Variants in MALRD1 observed in about 807,000 individuals in gnomAD.
MALRD1 encodes MAM and LDL-receptor class A domain-containing protein 1.
A neutral mutation model predicts 242.1 loss-of-function variants in MALRD1; 247 were observed. The observed-to-expected ratio is 1.02, with a 90% confidence interval of 0.92 to 1.13. MALRD1 has a LOEUF of 1.13. Ranked by LOEUF, MALRD1 falls within the 50% of genes most tolerant of loss-of-function variation. MALRD1 has a pLI of 0.00. For synonymous variants in MALRD1, 995 were observed against 866.6 expected (o/e 1.15, Z -2.60); for missense variants, 2,989 against 2,533.1 (o/e 1.18, Z -3.86).
chr10:19,625,306 C>T (rs1220465585), intron 36 of MALRD1, among the ~76,000 whole-genome samples: 1 of 140,428 alleles, frequency 7.1e-6, no homozygotes, highest in Non-Finnish European at 1.6e-5. Context: ...ACTTTATTTG[C>T]ATTTGGCTGT....
rs1042157288 is a variant in MALRD1 at position 19,209,690 on chromosome 10, A to G, written c.2991+10A>G. 7.3e-5 allele frequency: 111 copies of G among 1,525,272 alleles called. No individual in the cohort carries two copies. The highest frequency in any genetic ancestry group is 9.5e-5 in the Non-Finnish European group (108 of 1,135,126). The allele number at this position is 1,525,272 out of a possible 1,614,324, so 94.5% of individuals were successfully genotyped here. On this transcript the variant is annotated intron_variant, in intron 18 of 39. Transcript: ENST00000454679. ...CAGGCAGCCCTTTCAGGTATGGATA[A>G]TAGATTTTATAATGTACATTTGAAA...
chr10:19,656,031 A>G (rs1485472464), intron 36 of MALRD1, among the ~76,000 whole-genome samples: 1 of 152,172 alleles, frequency 6.6e-6, no homozygotes, highest in African/African-American at 2.4e-5. Context: ...AACCCATCTC[A>G]GAGTTTAAGT....
chr10:19,547,808 A>AT (rs1835290271), intron 32 of MALRD1, among the ~76,000 whole-genome samples: 1 of 14,002 alleles, frequency 7.1e-5, no homozygotes, highest in African/African-American at 2.2e-4. Context: ...ATATATATAT[A>AT]TATATATATA....
intron 31 of MALRD1, among the ~76,000 whole-genome samples, chr10:19,508,537 A>G (rs920174099): frequency 1.3e-5 from 2 of 152,214 alleles, no homozygotes; most frequent in Non-Finnish European, 2.9e-5. Context: ...GCAACTAGCC[A>G]CATGGAACTA....
intron 4 of MALRD1, among the ~76,000 whole-genome samples, chr10:19,088,567 TTTTTTA>T (rs1564383604): frequency 2.2e-5 from 2 of 92,826 alleles, no homozygotes; most frequent in African/African-American, 1.0e-4. Context: ...TATAAAGTTT[TTTTTTA>T]TTTATTTATT....
At chr10:19,083,607 T>A (rs1376386894) in intron 2 of MALRD1, among the ~76,000 whole-genome samples, 4 of 151,992 alleles carry the variant, frequency 2.6e-5, no homozygotes, top group African/African-American at 4.8e-5. Context: ...GCATTTTAAT[T>A]GTGGTCTTTC....
intron 36 of MALRD1, among the ~76,000 whole-genome samples, chr10:19,672,117 T>TC (rs1841949331): frequency 6.6e-6 from 1 of 151,936 alleles, no homozygotes; most frequent in Admixed American, 6.6e-5. Context: ...TTCCAGAGAG[T>TC]CCACATCTCT....
At chr10:19,051,107 A>C (rs996057107) in intron 1 of MALRD1, among the ~76,000 whole-genome samples, 2 of 152,208 alleles carry the variant, frequency 1.3e-5, no homozygotes, top group African/African-American at 2.4e-5. Context: ...TGTGGGTGAG[A>C]ATCTGCAGAT....
chr10:19,728,521 C>T (rs575192894), intron 38 of MALRD1: 1 of 152,340 alleles, frequency 6.6e-6, no homozygotes, highest in South Asian at 2.1e-4. Flanking sequence ...ACCCTTGCAA[C>T]TGACGGCCAA....
chr10:19,245,078 A>C (rs901561664), intron 18 of MALRD1, among the ~76,000 whole-genome samples: 2 of 152,210 alleles, frequency 1.3e-5, no homozygotes, highest in African/African-American at 4.8e-5. Context: ...AAGCAGGTAC[A>C]AATAAATTGT....
At chr10:19,584,645 T>G (rs369350010) in intron 33 of MALRD1, among the ~76,000 whole-genome samples, 30 of 151,670 alleles carry the variant, frequency 2.0e-4, no homozygotes, top group Admixed American at 1.2e-3. Flanking sequence ...TTACTTCCAA[T>G]TATGTGGTCA....
intron 30 of MALRD1, among the ~76,000 whole-genome samples, chr10:19,496,059 A>G (rs1429644495): frequency 8.5e-5 from 13 of 152,350 alleles, no homozygotes. Flanking sequence ...AGGAGTACCC[A>G]TATTCATAAA....
chr10:19,123,371 A>G, intron 5 of MALRD1, 121 bp from the exon 6 acceptor site: 1 of 422,800 alleles, frequency 2.4e-6, no homozygotes, highest in Admixed American at 4.4e-5. Context: ...GGGTGATGAT[A>G]CCATAAAGAG....
At chr10:19,512,151 C>T (rs1833430231) in intron 31 of MALRD1, among the ~76,000 whole-genome samples, 1 of 152,022 alleles carries the variant, frequency 6.6e-6, no homozygotes, top group Admixed American at 6.6e-5. Flanking sequence ...CCAAAAGAGC[C>T]ATTCTGTGCC....
At chr10:19,615,787 T>C (rs1245442105) in intron 35 of MALRD1, 70 bp from the exon 36 acceptor site, 3 of 1,202,658 alleles carry the variant, frequency 2.5e-6, no homozygotes, top group East Asian at 5.1e-5. Flanking sequence ...TAATGACAAA[T>C]AGTGATATCT....
intron 33 of MALRD1, among the ~76,000 whole-genome samples, chr10:19,580,182 T>G (rs1837041401): frequency 1.3e-5 from 2 of 152,174 alleles, no homozygotes; most frequent in African/African-American, 4.8e-5. Context: ...CACTTTTACC[T>G]ATGTTTTAGA....
chr10:19,048,774 A>C (rs775619620), upstream of MALRD1: 11 of 454,158 alleles, frequency 2.4e-5, no homozygotes, highest in Non-Finnish European at 3.6e-5. Flanking sequence ...TGAAAGAGCA[A>C]ATTAACTGCC....
chr10:19,377,430 T>C (rs1027072421), intron 26 of MALRD1, among the ~76,000 whole-genome samples: 4 of 152,146 alleles, frequency 2.6e-5, no homozygotes, highest in Non-Finnish European at 5.9e-5. Flanking sequence ...TGGAACTAAA[T>C]TATCTAGATT....
intron 1 of MALRD1, among the ~76,000 whole-genome samples, chr10:19,053,498 G>C (rs1450610701): frequency 6.6e-6 from 1 of 152,114 alleles, no homozygotes; most frequent in Non-Finnish European, 1.5e-5. Flanking sequence ...TGACCTCCTG[G>C]CAAATTGCTT....
Sources: allele counts gnomAD v4.1 joint callset (sites outside exome capture counted in the v4.1 genomes callset), GRCh38; gene constraint gnomAD v4.1.1; transcripts MANE v1.5; gene names NCBI Gene and HGNC (gene_info 2026-07-23, HGNC 2026-07-21).